The following TPRG1 variants were observed in gnomAD, a reference collection of about 807,000 sequenced individuals.
TPRG1 encodes tumor protein p63 regulated 1.
In TPRG1, 29 loss-of-function variants were observed where a neutral mutation model predicts 29.3. That is an observed-to-expected ratio of 0.99 (90% confidence interval 0.74 to 1.35). TPRG1 has a LOEUF of 1.35. Ranked by LOEUF, TPRG1 falls within the 40% of genes most tolerant of loss-of-function variation. The pLI is 0.00. For synonymous variants in TPRG1, 130 were observed against 116.8 expected (o/e 1.11, Z -0.73); for missense variants, 327 against 335.0 (o/e 0.98, Z 0.19).
chr3:189,116,078 G>T (rs1393139823), intron 1 of TPRG1, among the ~76,000 whole-genome samples: 1 of 152,068 alleles, frequency 6.6e-6, no homozygotes, highest in African/African-American at 2.4e-5. Context: ...ACAGTATGCT[G>T]GTTTCTCAAA....
At chr3:189,019,371 T>G (rs970224071) in intron 3 of TPRG1, among the ~76,000 whole-genome samples, 187 of 152,346 alleles carry the variant, frequency 1.2e-3, no homozygotes, top group African/African-American at 4.4e-3. Context: ...CGTGGGTTTG[T>G]CGTAGATAGC....
chr3:189,241,160 G>A (rs895604876), intron 4 of TPRG1, among the ~76,000 whole-genome samples: 4 of 152,078 alleles, frequency 2.6e-5, no homozygotes, highest in African/African-American at 4.8e-5. Context: ...AATTTTAACC[G>A]ATGAGTATTG....
intron 4 of TPRG1, among the ~76,000 whole-genome samples, chr3:189,308,281 A>C (rs578036089): frequency 2.0e-5 from 3 of 152,328 alleles, no homozygotes; most frequent in East Asian, 3.9e-4. Flanking sequence ...ACTCCCGGAC[A>C]TCCAGCTCAC....
intron 4 of TPRG1, among the ~76,000 whole-genome samples, chr3:189,246,078 G>A (rs560135899): frequency 6.8e-4 from 104 of 152,254 alleles, no homozygotes; most frequent in African/African-American, 2.3e-3. Flanking sequence ...CCCATGTGTC[G>A]TGGGAGGGAC....
chr3:189,277,726 A>G (rs1464624775), intron 4 of TPRG1, among the ~76,000 whole-genome samples: 1 of 152,222 alleles, frequency 6.6e-6, no homozygotes, highest in Admixed American at 6.5e-5. Context: ...ATTAAGGAGC[A>G]TGAGAAGCAT....
At position 189,027,688 on chromosome 3, in the gene TPRG1, T is replaced by C. The variant is rs7634855; in HGVS notation, c.-463+3742T>C. On this transcript the variant is annotated intron_variant, in intron 4 of 10. Transcript: ENST00000433971. The stretch of plus-strand genomic sequence containing the variant: ...TATTTGGACTCAGTTTGAGTTAGTC[T>C]ATGTTTTGGATGAATTATGCAAAAT... Among the ~76,000 whole-genome samples the C allele has an allele frequency of 3.9e-3, 594 of 152,256 alleles. 4 individuals carry two copies. Among genetic ancestry groups the C allele is most frequent in the African/African-American group, 0.014 (573 of 41,564 alleles).
At chr3:189,066,531 A>G (rs1289894100) in intron 4 of TPRG1, among the ~76,000 whole-genome samples, 2 of 152,138 alleles carry the variant, frequency 1.3e-5, no homozygotes, top group Non-Finnish European at 2.9e-5. Context: ...AAATAAATCA[A>G]TATGATACAT....
At chr3:189,095,130 C>T (rs1280777758), upstream of TPRG1, among the ~76,000 whole-genome samples, 1 of 152,172 alleles carries the variant, frequency 6.6e-6, no homozygotes, top group African/African-American at 2.4e-5. Flanking sequence ...GAAACAAAGA[C>T]TTGATCTTCA....
chr3:189,038,479 T>C (rs1431437691), intron 4 of TPRG1, among the ~76,000 whole-genome samples: 2 of 152,054 alleles, frequency 1.3e-5, no homozygotes, highest in African/African-American at 4.8e-5. Flanking sequence ...TTGATAAAAT[T>C]TTGAATTAAA....
chr3:189,207,331 C>T, intron 1 of TPRG1, 45 bp from the exon 2 acceptor site: 3 of 1,603,204 alleles, frequency 1.9e-6, no homozygotes, highest in Non-Finnish European at 2.6e-6. Context: ...GACACAGGTA[C>T]AGAGGTAACA....
intron 3 of TPRG1, among the ~76,000 whole-genome samples, chr3:189,023,525 A>G (rs1370120989): frequency 1.3e-5 from 2 of 152,196 alleles, no homozygotes; most frequent in Admixed American, 1.3e-4. Flanking sequence ...GCCTCAGCCC[A>G]GTTCTGAACC....
At chr3:189,107,881 A>T (rs1325255799) in intron 1 of TPRG1, among the ~76,000 whole-genome samples, 2 of 152,206 alleles carry the variant, frequency 1.3e-5, no homozygotes, top group Non-Finnish European at 2.9e-5. Flanking sequence ...ATGGAAGAGA[A>T]ATTTCTTATA....
intron 5 of TPRG1, 76 bp downstream of exon 5, chr3:189,310,615 TAAACA>T (rs1487848827): frequency 1.3e-6 from 1 of 771,620 alleles, no homozygotes; most frequent in Admixed American, 3.1e-5. Context: ...CGTGTACTCC[TAAACA>T]AAACAAAATA....
chr3:189,081,861 C>CT (rs1399745950), intron 4 of TPRG1, among the ~76,000 whole-genome samples: 3 of 151,922 alleles, frequency 2.0e-5, no homozygotes, highest in African/African-American at 7.3e-5. Context: ...ATTGATGAAA[C>CT]TTTTTTTTGC....
intron 4 of TPRG1, among the ~76,000 whole-genome samples, chr3:189,272,455 T>C (rs2109089146): frequency 6.6e-6 from 1 of 152,274 alleles, no homozygotes; most frequent in Admixed American, 6.5e-5. Flanking sequence ...TGTGTGTATT[T>C]TTTTTTCCTA....
chr3:189,248,791 C>T (rs1741730933), intron 4 of TPRG1, among the ~76,000 whole-genome samples: 1 of 151,062 alleles, frequency 6.6e-6, no homozygotes. Flanking sequence ...TGAATGTCTT[C>T]TCTTACTATT....
intron 3 of TPRG1, among the ~76,000 whole-genome samples, chr3:189,229,901 GCTGCTT>G (rs1738365538): frequency 3.9e-5 from 6 of 152,178 alleles, no homozygotes. Context: ...AGATCTCTCT[GCTGCTT>G]AAAATAATAA....
intron 3 of TPRG1, among the ~76,000 whole-genome samples, chr3:189,012,600 A>C (rs1001751816): frequency 1.6e-4 from 24 of 152,146 alleles, no homozygotes; most frequent in African/African-American, 5.5e-4. Flanking sequence ...ATCTGGTATA[A>C]TTCAGCTGTG....
chr3:189,076,027 A>G lies in TPRG1; in HGVS notation c.-462-51030A>G, dbSNP rs1369297627. On this transcript the variant is annotated intron_variant, in intron 4 of 10. Transcript: ENST00000433971. Reference sequence around the variant, plus strand: ...AACATATTTATTTTCTTCAACCCCAATTTTCAGGTGAGGATATTAAAATAT... The same window carrying G: ...AACATATTTATTTTCTTCAACCCCAGTTTTCAGGTGAGGATATTAAAATAT... Among the ~76,000 whole-genome samples, 3 of 152,026 alleles carry G rather than the reference A, an allele frequency of 2.0e-5. No individual in the cohort carries two copies. In the East Asian group the frequency reaches 5.8e-4, roughly 29 times the overall value.
Sources: gnomAD v4.1 joint callset for allele counts (sites outside exome capture counted in the v4.1 genomes callset) on GRCh38, gnomAD v4.1.1 for gene constraint, MANE v1.5 for transcripts, NCBI Gene and HGNC (gene_info 2026-07-23, HGNC 2026-07-21) for gene names.